Variants in CHERP observed in about 807,000 individuals in gnomAD.
The protein encoded by CHERP is calcium homeostasis endoplasmic reticulum protein.
Under a neutral mutation model 113.8 loss-of-function variants are expected in CHERP, and 8 were observed. The observed-to-expected ratio is 0.07, with a 90% confidence interval of 0.04 to 0.13. The LOEUF (loss-of-function observed/expected upper bound fraction) is 0.13. Among genes scored for constraint, CHERP ranks in the 10% least tolerant of loss-of-function variants. The pLI is 1.00. For missense variants in CHERP, 884 were observed against 1,298.2 expected (o/e 0.68, Z 4.90); for synonymous variants, 559 against 524.5 (o/e 1.07, Z -0.90).
rs1171127430 is a variant in CHERP, at chr19:16,530,087, G to A, written c.877-187C>T. On this transcript the variant is annotated intron_variant, in intron 7 of 16. Coordinates refer to ENST00000546361, the MANE Select transcript of CHERP (RefSeq NM_006387.6). This position sits in a 1 kb window ranked among gnomAD's most constrained non-coding sequence, Gnocchi z 4.1. ...TGCGCTGGGATCTGGCCAGAGATTT[G>A]GGGATGAGGATGTTCGCTGCAGCGT... Among the ~76,000 whole-genome samples the A allele has an allele frequency of 6.6e-6, 1 of 152,222 alleles. No individual in the cohort carries two copies. The highest frequency in any genetic ancestry group is 1.5e-5 in the Non-Finnish European group (1 of 68,040).
In CHERP at chr19:16,520,297, A is replaced by T. The variant is rs1472170054; in HGVS notation, c.2346-32T>A. The T allele has an allele frequency of 6.2e-7, 1 of 1,613,250 alleles. No homozygotes were observed. The highest frequency in any genetic ancestry group is 1.1e-5 in the South Asian group (1 of 91,052). ...GGAAGGGTGCCCAAGGGTCAGCAGCAGCCAGGCGTCGTGGGGAGGCCACAG... is the reference window on the plus strand; with the variant it reads ...GGAAGGGTGCCCAAGGGTCAGCAGCTGCCAGGCGTCGTGGGGAGGCCACAG... On this transcript the variant is annotated intron_variant, in intron 14 of 16. Coordinates refer to ENST00000546361, the MANE Select transcript of CHERP (RefSeq NM_006387.6). The surrounding 1 kb of genome is among the most constrained non-coding windows in gnomAD (Gnocchi z 4.0).
intron 9 of CHERP, 52 bp downstream of exon 9, chr19:16,528,028 C>G (rs2085668191): frequency 1.3e-6 from 2 of 1,574,454 alleles, no homozygotes; most frequent in African/African-American, 2.7e-5. Context: ...GGAGGCTACC[C>G]CATCAGGCCA....
chr19:16,540,331 T>C (rs1244096836), intron 2 of CHERP, among the ~76,000 whole-genome samples: 1 of 151,748 alleles, frequency 6.6e-6, no homozygotes, highest in Non-Finnish European at 1.5e-5. Flanking sequence ...CCTCCTAAAG[T>C]GCTGGGATTA....
chr19:16,527,790 G>GCC (rs2085666470), intron 9 of CHERP, among the ~76,000 whole-genome samples: 1 of 152,202 alleles, frequency 6.6e-6, no homozygotes, highest in Non-Finnish European at 1.5e-5. Context: ...AGAACACCCT[G>GCC]CCGTGCCTTG....
chr19:16,522,640 G>A (rs1218922151), intron 11 of CHERP, among the ~76,000 whole-genome samples: 1 of 152,086 alleles, frequency 6.6e-6, no homozygotes, highest in Non-Finnish European at 1.5e-5. Flanking sequence ...AGCCCTGCCC[G>A]GCTTCTCCAG....
At position 16,520,149 on chromosome 19, in the gene CHERP, G is replaced by A. The variant is rs749346192; in HGVS notation, c.2462C>T (p.Pro821Leu). Residue 821 changes from proline (P) to leucine (L), a missense_variant and splice_region_variant, in exon 15 of 17, where the codon CCT (proline) becomes CTT (leucine). Transcript: ENST00000546361. The surrounding 1 kb of genome is among the most constrained non-coding windows in gnomAD (Gnocchi z 4.0). ...CGCAGCACTTAAGACAGGATCTTACGGCGGGGTGGGGCTCCTGGACCGTGA... is the reference window on the plus strand; with the variant it reads ...CGCAGCACTTAAGACAGGATCTTACAGCGGGGTGGGGCTCCTGGACCGTGA... Reference protein sequence around the residue: ...RRSRSRSPTPPSSAGLGSNSA... With the variant: ...RRSRSRSPTPLSSAGLGSNSA... The A allele has an allele frequency of 9.3e-6, 15 of 1,610,152 alleles. No homozygotes were observed. The highest frequency in any genetic ancestry group is 1.3e-5 in the African/African-American group (1 of 74,904).
At chr19:16,539,307 C>T (rs1283380048) in intron 2 of CHERP, among the ~76,000 whole-genome samples, 1 of 151,920 alleles carries the variant, frequency 6.6e-6, no homozygotes, top group African/African-American at 2.4e-5. Context: ...GCTACCACGC[C>T]TGGCTAATTT....
In CHERP at chr19:16,529,747, T is replaced by TCTGGAG; in HGVS notation, c.1024_1029dup (p.Leu342_Gln343dup). On this transcript the variant is annotated inframe_insertion, in exon 8 of 17. Coordinates refer to ENST00000546361, the MANE Select transcript of CHERP (RefSeq NM_006387.6). ...TTGACTTCAGCCTCCATCTGCGGCA[T>TCTGGAG]CTGGAGCTGCTGCTGCTGCTGTTGC... is the stretch of plus-strand genomic sequence containing the variant. 1 of 1,611,848 alleles carries TCTGGAG rather than the reference T, an allele frequency of 6.2e-7. No homozygotes were observed. Among genetic ancestry groups the TCTGGAG allele is most frequent in the South Asian group, 1.1e-5 (1 of 91,022 alleles).
chr19:16,525,749 G>T lies in CHERP; in HGVS notation c.1306-72C>A. On this transcript the variant is annotated intron_variant, in intron 9 of 16. Coordinates refer to ENST00000546361, the MANE Select transcript of CHERP (RefSeq NM_006387.6). This position sits in a 1 kb window ranked among gnomAD's most constrained non-coding sequence, Gnocchi z 6.5. ...GTGCTCGGCAGCATCACAGCGCTCG[G>T]CAGCATCACAGCGCTGGCTCAGACC... The T allele has an allele frequency of 7.4e-7, 1 of 1,347,564 alleles. No homozygotes were observed. The highest frequency in any genetic ancestry group is 9.8e-7 in the Non-Finnish European group (1 of 1,023,944). The allele number at this position is 1,347,564 out of a possible 1,614,324, so 83.5% of individuals were successfully genotyped here.
intron 2 of CHERP, chr19:16,541,072 G>C (rs1038291548): frequency 6.6e-6 from 1 of 151,998 alleles, no homozygotes; most frequent in Non-Finnish European, 1.5e-5. Flanking sequence ...CTTAATACAA[G>C]ACGAGCGTGT....
intron 3 of CHERP, 74 bp from the exon 4 acceptor site, chr19:16,533,222 G>A (rs2085719132): frequency 2.2e-5 from 33 of 1,475,502 alleles, no homozygotes; most frequent in Non-Finnish European, 3.0e-5. Context: ...GCCTGGCTCA[G>A]CAGGGGCGGG....
At position 16,530,264 on chromosome 19, in the gene CHERP, C is replaced by T. The variant is rs1203911520; in HGVS notation, c.876+321G>A. 6.6e-6 allele frequency among the ~76,000 whole-genome samples: 1 copy of T among 152,232 alleles called. No individual in the cohort carries two copies. Among genetic ancestry groups the T allele is most frequent in the Non-Finnish European group, 1.5e-5 (1 of 68,036 alleles). On this transcript the variant is annotated intron_variant, in intron 7 of 16. Transcript: ENST00000546361. This position sits in a 1 kb window ranked among gnomAD's most constrained non-coding sequence, Gnocchi z 4.1. ...TGTGGCTCTCAGCAAGAGGGGCTGCCACAGCCTAAGCCACGTCTGGGCTTC... is the reference window on the plus strand; with the variant it reads ...TGTGGCTCTCAGCAAGAGGGGCTGCTACAGCCTAAGCCACGTCTGGGCTTC...
chr19:16,542,116 C>A (rs1168677328), intron 1 of CHERP, 73 bp from the exon 2 acceptor site: 18 of 1,491,554 alleles, frequency 1.2e-5, no homozygotes, highest in African/African-American at 2.8e-5. Flanking sequence ...GGCGCCCCAG[C>A]CCCCGTCCGC....
intron 2 of CHERP, among the ~76,000 whole-genome samples, chr19:16,536,323 G>T (rs2085741586): frequency 6.6e-6 from 1 of 152,182 alleles, no homozygotes; most frequent in Non-Finnish European, 1.5e-5. Flanking sequence ...TGGCCAGATG[G>T]GGCAGGTGGT....
At position 16,519,335 on chromosome 19, in the gene CHERP, C is replaced by T. The variant is rs2085583879; in HGVS notation, c.2575G>A (p.Gly859Ser). 1 of 1,612,176 alleles carries T rather than the reference C, an allele frequency of 6.2e-7. No individual in the cohort carries two copies. The highest frequency in any genetic ancestry group is 1.1e-5 in the South Asian group (1 of 90,994). Residue 859 changes from glycine to serine, a missense_variant, in exon 17 of 17, where the codon GGC becomes AGC. By Grantham distance (56) the Gly-to-Ser change is moderately conservative. Transcript: ENST00000546361. The surrounding 1 kb of genome is among the most constrained non-coding windows in gnomAD (Gnocchi z 6.0). ...ATCCCTTGCTCCTTCGCACCGAGGC[C>T]GCCTGAGCCGCTCCAGCCTGGAAAC... ...LVKMGWSGSG[G>S]LGAKEQGIQD...
chr19:16,535,416 T>C lies in CHERP; in HGVS notation c.384+36A>G, dbSNP rs762078297. On this transcript the variant is annotated intron_variant, in intron 3 of 16. Coordinates refer to ENST00000546361, the MANE Select transcript of CHERP (RefSeq NM_006387.6). The surrounding 1 kb of genome is among the most constrained non-coding windows in gnomAD (Gnocchi z 4.3). Reference sequence around the variant, plus strand: ...CGCAAAAACAGAGGCACAGGGGAGCTGCTGGTGTCTGGCCGAGGAGGCGGC... The same window carrying C: ...CGCAAAAACAGAGGCACAGGGGAGCCGCTGGTGTCTGGCCGAGGAGGCGGC... The C allele has an allele frequency of 1.0e-4, 166 of 1,592,778 alleles. No individual in the cohort carries two copies. The highest frequency in any genetic ancestry group is 1.4e-4 in the Non-Finnish European group (162 of 1,170,494).
intron 7 of CHERP, 91 bp from the exon 8 acceptor site, chr19:16,529,991 C>G: frequency 6.8e-7 from 1 of 1,469,744 alleles, no homozygotes; most frequent in Non-Finnish European, 9.1e-7. Context: ...AGCAGCAGAG[C>G]CTGGGGGACC....
In CHERP at chr19:16,518,269, C is replaced by T. The variant is rs2085565650; in HGVS notation, c.*890G>A. Reference sequence around the variant, plus strand: ...GAAGGCGCTGGCTGGGGTCGGGCTCCATGCTCTGGATGGGACTGGGCCGTC... The same window carrying T: ...GAAGGCGCTGGCTGGGGTCGGGCTCTATGCTCTGGATGGGACTGGGCCGTC... On this transcript the variant is annotated 3_prime_UTR_variant, in exon 17 of 17. Transcript: ENST00000546361. 1 of 151,936 alleles carries T rather than the reference C, an allele frequency of 6.6e-6. No homozygotes were observed. Among genetic ancestry groups the T allele is most frequent in the Non-Finnish European group, 1.5e-5 (1 of 68,040 alleles). The allele number at this position is 151,936 out of a possible 1,614,324, so 9.4% of individuals were successfully genotyped here.
At chr19:16,541,738 G>A (rs1357028499) in intron 2 of CHERP, 132 bp downstream of exon 2, 2 of 931,892 alleles carry the variant, frequency 2.1e-6, no homozygotes, top group Non-Finnish European at 1.6e-6. Context: ...GCGGAACAGG[G>A]ATCGTGTGGA....
Sources: allele counts gnomAD v4.1 joint callset (sites outside exome capture counted in the v4.1 genomes callset), GRCh38; gene constraint gnomAD v4.1.1; non-coding constraint Gnocchi (gnomAD v3.1); transcripts MANE v1.5; gene names NCBI Gene and HGNC (gene_info 2026-07-23, HGNC 2026-07-21).